The following GPC6 variants were observed in gnomAD, a reference collection of about 807,000 sequenced individuals.
GPC6 encodes the protein glypican 6, also known as glypican-6.
In GPC6, 14 loss-of-function variants were observed where a neutral mutation model predicts 55.2. The observed-to-expected ratio is 0.25, with a 90% CI of 0.17 to 0.40. GPC6 has a LOEUF of 0.40. Ranked by LOEUF, GPC6 falls within the 10% of genes least tolerant of loss-of-function variation. GPC6 has a pLI of 1.00. For missense variants in GPC6, 641 were observed against 708.5 expected (o/e 0.90, Z 1.08); for synonymous variants, 278 against 259.6 (o/e 1.07, Z -0.68).
At chr13:93,486,725 T>A (rs1181615594) in intron 1 of GPC6, among the ~76,000 whole-genome samples, 3 of 151,954 alleles carry the variant, frequency 2.0e-5, no homozygotes. Context: ...GGCAGGTGGA[T>A]CACGAGGTCA....
chr13:94,119,697 A>G (rs1425225029), intron 4 of GPC6, among the ~76,000 whole-genome samples: 3 of 152,132 alleles, frequency 2.0e-5, no homozygotes, highest in Admixed American at 6.6e-5. Context: ...GCTTGAGTAG[A>G]GGGAAGCGAG....
At chr13:94,054,204 C>A (rs1884051964) in intron 4 of GPC6, among the ~76,000 whole-genome samples, 1 of 152,190 alleles carries the variant, frequency 6.6e-6, no homozygotes, top group Admixed American at 6.5e-5. Flanking sequence ...AGAATACCCG[C>A]CCCGCCATTC....
In GPC6 at chr13:93,487,637, G is replaced by T. The variant is rs960189949; in HGVS notation, c.161-57626G>T. Among the ~76,000 whole-genome samples the T allele has an allele frequency of 3.7e-4, 56 of 152,116 alleles. 1 individual carries two copies. The highest frequency in any genetic ancestry group is 5.9e-5 in the Non-Finnish European group (4 of 68,018). Reference sequence around the variant, plus strand: ...TGTATCTTCCCTGTCCATACCCCTTGTTGCTTTTACTTGACCACATCATTT... The same window carrying T: ...TGTATCTTCCCTGTCCATACCCCTTTTTGCTTTTACTTGACCACATCATTT... On this transcript the variant is annotated intron_variant, in intron 1 of 8. Coordinates refer to ENST00000377047, the MANE Select transcript of GPC6 (RefSeq NM_005708.5).
At chr13:93,856,160 C>A (rs1160921226) in intron 3 of GPC6, among the ~76,000 whole-genome samples, 2 of 151,496 alleles carry the variant, frequency 1.3e-5, no homozygotes, top group African/African-American at 4.8e-5. Context: ...CTCCTTCAGG[C>A]TCAAGAGGCT....
chr13:94,065,484 A>G (rs1049950793), intron 4 of GPC6, among the ~76,000 whole-genome samples: 5 of 152,222 alleles, frequency 3.3e-5, no homozygotes, highest in African/African-American at 7.2e-5. Flanking sequence ...TCATTATTAC[A>G]TGGGACAGAA....
At chr13:93,251,118 C>T (rs1263381630) in intron 1 of GPC6, among the ~76,000 whole-genome samples, 1 of 152,180 alleles carries the variant, frequency 6.6e-6, no homozygotes, top group East Asian at 1.9e-4. Flanking sequence ...CCTCTACAAC[C>T]TGAGGGAATG....
chr13:94,337,745 TA>T (rs1877793128), intron 6 of GPC6, among the ~76,000 whole-genome samples: 1 of 152,116 alleles, frequency 6.6e-6, no homozygotes, highest in African/African-American at 2.4e-5. Context: ...ATGATATACT[TA>T]AAAAGGTAGT....
intron 2 of GPC6, among the ~76,000 whole-genome samples, chr13:93,644,086 A>T (rs1880072970): frequency 6.6e-6 from 1 of 152,084 alleles, no homozygotes; most frequent in Non-Finnish European, 1.5e-5. Context: ...TTCACTAAGT[A>T]CATCATCTTG....
chr13:93,691,959 C>T (rs1882273736), intron 2 of GPC6, among the ~76,000 whole-genome samples: 1 of 151,910 alleles, frequency 6.6e-6, no homozygotes, highest in African/African-American at 2.4e-5. Flanking sequence ...CTACCCTATC[C>T]CATTGCTGTA....
intron 1 of GPC6, among the ~76,000 whole-genome samples, chr13:93,262,916 GA>G (rs1446020154): frequency 6.6e-6 from 1 of 152,134 alleles, no homozygotes; most frequent in Non-Finnish European, 1.5e-5. Context: ...ATTGCCAAGG[GA>G]AAAGGACACT....
At chr13:93,243,030 G>C (rs192262755) in intron 1 of GPC6, among the ~76,000 whole-genome samples, 2 of 152,186 alleles carry the variant, frequency 1.3e-5, no homozygotes, top group Non-Finnish European at 2.9e-5. Flanking sequence ...AACAGGAAGG[G>C]ACCCTGTTCG....
At chr13:93,577,776 C>T (rs1876734476) in intron 2 of GPC6, among the ~76,000 whole-genome samples, 1 of 151,970 alleles carries the variant, frequency 6.6e-6, no homozygotes, top group Non-Finnish European at 1.5e-5. Flanking sequence ...AGTGGACATC[C>T]TTGTCTTGTT....
chr13:93,332,302 A>G (rs536618886), intron 1 of GPC6, among the ~76,000 whole-genome samples: 4 of 145,440 alleles, frequency 2.8e-5, no homozygotes, highest in African/African-American at 5.2e-5. Context: ...GCTGTTTTCC[A>G]TAATGACTGT....
chr13:93,849,423 TG>T (rs1888318344), intron 3 of GPC6, among the ~76,000 whole-genome samples: 1 of 152,100 alleles, frequency 6.6e-6, no homozygotes. Flanking sequence ...TTAGGTTTTT[TG>T]GAATATCCAG....
At chr13:93,567,523 C>T (rs1594274134) in intron 2 of GPC6, among the ~76,000 whole-genome samples, 1 of 151,898 alleles carries the variant, frequency 6.6e-6, no homozygotes, top group East Asian at 1.9e-4. Context: ...CAGGGTGTCA[C>T]CATCTTAGCC....
At chr13:93,470,872 A>T (rs1274812500) in intron 1 of GPC6, among the ~76,000 whole-genome samples, 1 of 152,048 alleles carries the variant, frequency 6.6e-6, no homozygotes, top group Non-Finnish European at 1.5e-5. Context: ...TGCAATTTGC[A>T]GATTTAGAGG....
intron 1 of GPC6, among the ~76,000 whole-genome samples, chr13:93,301,315 C>CT (rs1183967251): frequency 1.3e-5 from 2 of 152,110 alleles, no homozygotes; most frequent in African/African-American, 4.8e-5. Flanking sequence ...TGGATATGTG[C>CT]TACTGGTCCT....
intron 2 of GPC6, among the ~76,000 whole-genome samples, chr13:93,555,252 T>C (rs1875394674): frequency 6.6e-6 from 1 of 152,198 alleles, no homozygotes; most frequent in Non-Finnish European, 1.5e-5. Context: ...TTATTTAATG[T>C]TCTTGTAATA....
chr13:93,371,494 T>TTA (rs1874652583), intron 1 of GPC6, among the ~76,000 whole-genome samples: 3 of 152,134 alleles, frequency 2.0e-5, no homozygotes, highest in Admixed American at 1.3e-4. Context: ...GCATTTTTGT[T>TTA]TAGAGTTTCT....
Sources: allele counts gnomAD v4.1 joint callset (sites outside exome capture counted in the v4.1 genomes callset), GRCh38; gene constraint gnomAD v4.1.1; transcripts MANE v1.5; gene names NCBI Gene and HGNC (gene_info 2026-07-23, HGNC 2026-07-21).